Variants in ADAT1 observed in about 807,000 individuals in gnomAD.
The protein encoded by ADAT1 is tRNA-specific adenosine deaminase 1.
ADAT1 carries 58 observed loss-of-function variants against 58.6 expected under a neutral mutation model. The ratio of observed to expected loss-of-function variants is 0.99; its 90% confidence interval spans 0.80 to 1.23. The LOEUF (loss-of-function observed/expected upper bound fraction) is 1.23. ADAT1 is among the 50% of genes most tolerant of loss of function. The pLI is 0.00. For synonymous variants in ADAT1, 254 were observed against 220.8 expected, an observed-to-expected ratio of 1.15 and a Z score of -1.33; for missense variants, 741 against 608.6, an observed-to-expected ratio of 1.22 and a Z score of -2.29.
chr16:75,603,200 T>C, intron 8 of ADAT1, 29 bp from the exon 9 acceptor site: 1 of 1,585,798 alleles, frequency 6.3e-7, no homozygotes, highest in African/African-American at 1.3e-5. Context: ...CAAAGATGAT[T>C]TATTAAGTGT....
At chr16:75,603,648 C>T (rs1182686346) in intron 8 of ADAT1, among the ~76,000 whole-genome samples, 1 of 152,166 alleles carries the variant, frequency 6.6e-6, no homozygotes, top group East Asian at 1.9e-4. Flanking sequence ...GGAGAACAAG[C>T]GTTTGCTCCT....
In ADAT1 at chr16:75,600,011, T is replaced by C. The variant is rs2081181477; in HGVS notation, c.*205A>G. 5 of 1,364,420 alleles carry C rather than the reference T, an allele frequency of 3.7e-6. No homozygotes were observed. The highest frequency in any genetic ancestry group is 1.5e-5 in the African/African-American group (1 of 68,766). The allele number at this position is 1,364,420 out of a possible 1,614,324, so 84.5% of individuals were successfully genotyped here. A position where few individuals can be genotyped will look rare whatever the true frequency, so the allele number is the denominator to read the frequency against. On this transcript the variant is annotated 3_prime_UTR_variant, in exon 10 of 10. Coordinates refer to ENST00000564657, the MANE Select transcript of ADAT1 (RefSeq NM_001324445.2). ...AATGGAAGTCAGATAGTGAGGTCAT[T>C]AGTGAGATGCCATTTTAGCAGAGAG...
At chr16:75,615,592 T>C (rs75866481) in intron 5 of ADAT1, among the ~76,000 whole-genome samples, 11,559 of 149,202 alleles carry the variant, frequency 0.077, 687 homozygotes, top group African/African-American at 0.17. Flanking sequence ...TGTCCTGGGC[T>C]GCATGTAGCC....
At chr16:75,604,472 T>TACACAC (rs1252582081) in intron 8 of ADAT1, among the ~76,000 whole-genome samples, 6 of 54,334 alleles carry the variant, frequency 1.1e-4, no homozygotes, top group Non-Finnish European at 1.8e-4. Context: ...TATATATATA[T>TACACAC]ATACACACAC....
At chr16:75,609,018 A>C (rs1369299144) in intron 6 of ADAT1, 30 bp from the exon 7 acceptor site, 1 of 1,613,466 alleles carries the variant, frequency 6.2e-7, no homozygotes, top group Non-Finnish European at 8.5e-7. Flanking sequence ...CATTCAGTTT[A>C]GGTGCATGCC....
rs113692016 is a variant in ADAT1, at chr16:75,607,232, G to A, written c.1289+992C>T. Among the ~76,000 whole-genome samples, 870 of 152,180 alleles carry A rather than the reference G, an allele frequency of 5.7e-3. 4 individuals carry two copies. Among genetic ancestry groups the A allele is most frequent in the Middle Eastern group, 0.014 (4 of 294 alleles). Reference sequence around the variant, plus strand: ...TAAAAACTGTAATGAGGCCGGGTGAGATGGCTCTCACCTGTAATCCCAGCA... The same window carrying A: ...TAAAAACTGTAATGAGGCCGGGTGAAATGGCTCTCACCTGTAATCCCAGCA... On this transcript the variant is annotated intron_variant, in intron 8 of 9. Coordinates refer to ENST00000564657, the MANE Select transcript of ADAT1 (RefSeq NM_001324445.2).
rs1205813357 is a variant in ADAT1 at position 75,598,518 on chromosome 16, A to T, written c.*1698T>A. On this transcript the variant is annotated 3_prime_UTR_variant, in exon 10 of 10. Coordinates refer to ENST00000564657, the MANE Select transcript of ADAT1 (RefSeq NM_001324445.2). ...ACAACTCTGTGGATATACTAAAAAAATTTTTTTTTTTTTTTTTTGAGACAG... is the reference window on the plus strand; with the variant it reads ...ACAACTCTGTGGATATACTAAAAAATTTTTTTTTTTTTTTTTTTGAGACAG... Among the ~76,000 whole-genome samples, 12 of 139,228 alleles carry T rather than the reference A, an allele frequency of 8.6e-5. No individual in the cohort carries two copies. The highest frequency in any genetic ancestry group is 2.3e-4 in the South Asian group (1 of 4,276). The allele number at this position is 139,228 out of a possible 152,430, so 91.3% of individuals were successfully genotyped here. A position where few individuals can be genotyped will look rare whatever the true frequency, so the allele number is the denominator to read the frequency against.
chr16:75,611,808 A>G (rs1314842699), intron 6 of ADAT1, among the ~76,000 whole-genome samples: 3 of 152,106 alleles, frequency 2.0e-5, no homozygotes, highest in African/African-American at 7.2e-5. Flanking sequence ...CTGTAATCCC[A>G]GCACTTTGGG....
At chr16:75,614,674 G>T (rs1597126747) in intron 5 of ADAT1, among the ~76,000 whole-genome samples, 1 of 152,130 alleles carries the variant, frequency 6.6e-6, no homozygotes, top group African/African-American at 2.4e-5. Context: ...ATGCCTGAAT[G>T]CAAGAGCCTG....
At chr16:75,617,629 A>G (rs372005666) in intron 4 of ADAT1, among the ~76,000 whole-genome samples, 1 of 149,208 alleles carries the variant, frequency 6.7e-6, no homozygotes, top group Non-Finnish European at 1.5e-5. Context: ...GTGAGACTCT[A>G]TTTTTGTTTC....
chr16:75,601,247 G>A (rs2081222362), intron 9 of ADAT1, among the ~76,000 whole-genome samples: 2 of 152,026 alleles, frequency 1.3e-5, no homozygotes, highest in African/African-American at 4.8e-5. Flanking sequence ...GGCTGAGGCA[G>A]GAGAATCACT....
At chr16:75,620,948 T>C (rs1326641056) in intron 1 of ADAT1, 128 bp from the exon 2 acceptor site, 4 of 679,504 alleles carry the variant, frequency 5.9e-6, no homozygotes, top group Admixed American at 3.5e-5. Context: ...TGGAACTCTA[T>C]GGATCATTTT....
rs768358891 is a variant in ADAT1, at chr16:75,600,238, G to C, written c.1487C>G (p.Pro496Arg). 4 of 1,614,028 alleles carry C rather than the reference G, an allele frequency of 2.5e-6. No individual in the cohort carries two copies. The East Asian group carries it at 8.9e-5, about 36-fold the overall frequency. ...QVFGSWIRNPPDYHQFK is the reference protein window; with the variant it reads ...QVFGSWIRNPRDYHQFK ...TTCTCACTTGAACTGGTGATAATCC[G>C]GTGGGTTTCTGATCCAGGATCCAAA... is the stretch of plus-strand genomic sequence containing the variant. Residue 496 changes from proline (P) to arginine (R), a missense_variant, in exon 10 of 10, where the codon CCG (proline) becomes CGG (arginine). By Grantham distance (103) the Pro-to-Arg change is moderately radical. Transcript: ENST00000564657.
chr16:75,622,182 T>G (rs1294321703), intron 1 of ADAT1, among the ~76,000 whole-genome samples: 1 of 152,128 alleles, frequency 6.6e-6, no homozygotes, highest in East Asian at 1.9e-4. Flanking sequence ...TGAGCTCCAG[T>G]GCATGCAGCT....
At chr16:75,609,065 T>A in intron 6 of ADAT1, 77 bp from the exon 7 acceptor site, 2 of 1,544,034 alleles carry the variant, frequency 1.3e-6, no homozygotes, top group Non-Finnish European at 1.8e-6. Context: ...GCTCACATCA[T>A]CACCCCTGAG....
In ADAT1 at chr16:75,619,624, T is replaced by C. The variant is rs753905174; in HGVS notation, c.238+642A>G. 3.2e-4 allele frequency: 145 copies of C among 455,300 alleles called. 1 individual carries two copies. The highest frequency in any genetic ancestry group is 1.2e-3 in the South Asian group (79 of 64,522). The allele number at this position is 455,300 out of a possible 1,614,324, so 28.2% of individuals were successfully genotyped here. ...GCCCAAAGCTTCCTGTCATTCAAGA[T>C]TGCTTACCAGGTGCGGTGGCTCACA... On this transcript the variant is annotated intron_variant, in intron 3 of 9. Transcript: ENST00000564657.
Position 75,608,354 on chromosome 16 carries a change from C to A in ADAT1, c.1190-31G>T, listed in dbSNP as rs1358445979. 3.9e-6 allele frequency: 6 copies of A among 1,553,628 alleles called. No individual in the cohort carries two copies. The African/African-American group carries it at 4.1e-5, about 11-fold the overall frequency. ...AAAAGATAAGATTCTAGGGTTAAAA[C>A]TGCTCAATTTCTTGTGAAAGTCAGA... On this transcript the variant is annotated intron_variant, in intron 7 of 9. Coordinates refer to ENST00000564657, the MANE Select transcript of ADAT1 (RefSeq NM_001324445.2).
intron 5 of ADAT1, among the ~76,000 whole-genome samples, chr16:75,616,198 G>C (rs1230736597): frequency 6.6e-6 from 1 of 152,016 alleles, no homozygotes; most frequent in African/African-American, 2.4e-5. Context: ...AGTAGAAATG[G>C]GGTTTCTCCA....
chr16:75,612,902 G>A, intron 5 of ADAT1, 41 bp from the exon 6 acceptor site: 1 of 1,582,390 alleles, frequency 6.3e-7, no homozygotes, highest in East Asian at 2.2e-5. Flanking sequence ...GTTCTCAAGT[G>A]AGGTCCCTGG....
Sources: gnomAD v4.1 joint callset for allele counts (sites outside exome capture counted in the v4.1 genomes callset) on GRCh38, gnomAD v4.1.1 for gene constraint, MANE v1.5 for transcripts, NCBI Gene and HGNC (gene_info 2026-07-23, HGNC 2026-07-21) for gene names.